RGS7: variants seen among roughly 807,000 people sequenced by gnomAD.
RGS7 encodes regulator of G protein signaling 7, also known as regulator of G-protein signaling 7.
Under a neutral mutation model 81.1 loss-of-function variants are expected in RGS7, and 27 were observed. That is an observed-to-expected ratio of 0.33 (90% CI 0.25 to 0.46). The LOEUF is 0.46. Among genes scored for constraint, RGS7 ranks in the 20% least tolerant of loss-of-function variants. The probability of loss-of-function intolerance (pLI) is 1.00; values close to 1 mark genes in which losing one functional copy is unlikely to be tolerated. For missense variants in RGS7, 396 were observed against 607.4 expected, an observed-to-expected ratio of 0.65 and a Z score of 3.66; for synonymous variants, 208 against 207.7, an observed-to-expected ratio of 1.00 and a Z score of -0.01.
chr1:240,852,179 T>G (rs767302740), intron 9 of RGS7, among the ~76,000 whole-genome samples: 1 of 152,184 alleles, frequency 6.6e-6, no homozygotes, highest in Non-Finnish European at 1.5e-5. Context: ...TGCTACAGCT[T>G]CTCCAACCTT....
chr1:241,309,958 G>T (rs1488438749), intron 2 of RGS7, among the ~76,000 whole-genome samples: 1 of 152,202 alleles, frequency 6.6e-6, no homozygotes, highest in Non-Finnish European at 1.5e-5. Flanking sequence ...TGTCAAACTG[G>T]CAGAGTATCC....
At chr1:241,097,589 C>G (rs1015836082) in intron 3 of RGS7, among the ~76,000 whole-genome samples, 1 of 152,090 alleles carries the variant, frequency 6.6e-6, no homozygotes, top group Admixed American at 6.5e-5. Flanking sequence ...ATGAAGCACC[C>G]TTCCCAGCCA....
intron 2 of RGS7, among the ~76,000 whole-genome samples, chr1:241,210,746 G>A (rs892057814): frequency 2.6e-5 from 4 of 152,180 alleles, no homozygotes; most frequent in Non-Finnish European, 5.9e-5. Context: ...TTTCTAGTGG[G>A]ATTGCTTTGT....
chr1:241,261,072 TA>T (rs1573399781), intron 2 of RGS7, among the ~76,000 whole-genome samples: 1 of 151,104 alleles, frequency 6.6e-6, no homozygotes, highest in Non-Finnish European at 1.5e-5. Context: ...TAAAGTATAA[TA>T]ATTAAAAAAA....
intron 6 of RGS7, among the ~76,000 whole-genome samples, chr1:240,907,142 C>A (rs1412771768): frequency 6.6e-6 from 1 of 152,108 alleles, no homozygotes; most frequent in South Asian, 2.1e-4. Context: ...CTCTGACATT[C>A]CATGACTAAA....
At chr1:241,136,720 G>A (rs1203498098) in intron 2 of RGS7, among the ~76,000 whole-genome samples, 1 of 152,046 alleles carries the variant, frequency 6.6e-6, no homozygotes, top group African/African-American at 2.4e-5. Flanking sequence ...CAGTTCTTTT[G>A]GACACTGCCT....
intron 10 of RGS7, among the ~76,000 whole-genome samples, chr1:240,822,322 A>G (rs1168446723): frequency 6.6e-6 from 1 of 152,242 alleles, no homozygotes; most frequent in Non-Finnish European, 1.5e-5. Context: ...CACTTATTTT[A>G]CTGTATTAAA....
intron 3 of RGS7, among the ~76,000 whole-genome samples, chr1:241,013,373 C>T (rs1434870588): frequency 1.3e-5 from 2 of 152,084 alleles, no homozygotes; most frequent in Admixed American, 6.5e-5. Flanking sequence ...CTGATCCCTG[C>T]TTCGAGTCTC....
intron 3 of RGS7, among the ~76,000 whole-genome samples, chr1:241,034,444 T>A (rs2060233114): frequency 6.6e-6 from 1 of 152,162 alleles, no homozygotes; most frequent in African/African-American, 2.4e-5. Flanking sequence ...TATCAAGCAC[T>A]GAATAAAGCA....
intron 2 of RGS7, among the ~76,000 whole-genome samples, chr1:241,350,117 A>G (rs75999652): frequency 0.087 from 13,280 of 152,230 alleles, 701 homozygotes; most frequent in South Asian, 0.18. Context: ...ACTGGCAAGG[A>G]AAGAGCTCAA....
chr1:240,860,743 C>G (rs1662053248), intron 9 of RGS7, among the ~76,000 whole-genome samples: 2 of 152,254 alleles, frequency 1.3e-5, no homozygotes, highest in Middle Eastern at 3.4e-3. Context: ...ATGCCTTCCT[C>G]TAACAAACTG....
At chr1:240,785,237 G>A (rs1196604188) in intron 18 of RGS7, among the ~76,000 whole-genome samples, 1 of 152,108 alleles carries the variant, frequency 6.6e-6, no homozygotes, top group Non-Finnish European at 1.5e-5. Flanking sequence ...TGTTACCCAC[G>A]AAGTGGTTCT....
chr1:241,284,989 G>C (rs1041532077), intron 2 of RGS7, among the ~76,000 whole-genome samples: 2 of 152,084 alleles, frequency 1.3e-5, no homozygotes, highest in African/African-American at 4.8e-5. Flanking sequence ...TCCTGCCTCA[G>C]CCTCCCAAGT....
At chr1:241,306,033 A>G (rs2080091223) in intron 2 of RGS7, among the ~76,000 whole-genome samples, 1 of 152,140 alleles carries the variant, frequency 6.6e-6, no homozygotes, top group Non-Finnish European at 1.5e-5. Context: ...GGGCTGAAGC[A>G]TGGAATTCAC....
rs750250207 is a variant in RGS7, at chr1:240,801,510, T to A, written c.1360-2A>T. 1 of 1,601,082 alleles carries A rather than the reference T, an allele frequency of 6.2e-7. No homozygotes were observed. The highest frequency in any genetic ancestry group is 1.1e-5 in the South Asian group (1 of 90,790). On this transcript the variant is annotated splice_acceptor_variant, in intron 16 of 18. Coordinates refer to ENST00000440928, the MANE Select transcript of RGS7 (RefSeq NM_001364886.1). LOFTEE classifies it high-confidence loss of function. ...TCTGCGATCCATTGAGTTTCCAGAC[T>A]TACGTATGTGGGGTAGGATAGGATG...
chr1:241,134,958 C>T (rs1363065480), intron 2 of RGS7, among the ~76,000 whole-genome samples: 1 of 151,362 alleles, frequency 6.6e-6, no homozygotes, highest in Non-Finnish European at 1.5e-5. Flanking sequence ...CCTACCCTGG[C>T]CGGAAGACAC....
chr1:241,338,367 C>T (rs1358096862), intron 2 of RGS7, among the ~76,000 whole-genome samples: 9 of 152,134 alleles, frequency 5.9e-5, no homozygotes, highest in Admixed American at 4.6e-4. Context: ...CTTTAAGCAG[C>T]TTTTGCTTTA....
At chr1:240,904,137 G>A (rs1402707414) in intron 6 of RGS7, among the ~76,000 whole-genome samples, 1 of 152,090 alleles carries the variant, frequency 6.6e-6, no homozygotes, top group Non-Finnish European at 1.5e-5. Flanking sequence ...GCTTCTCTTA[G>A]TTCCAAGACA....
At chr1:241,287,581 G>A (rs2078885599) in intron 2 of RGS7, among the ~76,000 whole-genome samples, 1 of 152,128 alleles carries the variant, frequency 6.6e-6, no homozygotes, top group Non-Finnish European at 1.5e-5. Context: ...TTTATTAGCA[G>A]TGTGAAAACA....
Sources: gnomAD v4.1 joint callset for allele counts (sites outside exome capture counted in the v4.1 genomes callset) on GRCh38, gnomAD v4.1.1 for gene constraint, MANE v1.5 for transcripts, NCBI Gene and HGNC (gene_info 2026-07-23, HGNC 2026-07-21) for gene names.